KIF16B: variants seen among roughly 807,000 people sequenced by gnomAD.
The protein encoded by KIF16B is kinesin family member 16B, also known as kinesin-like protein KIF16B.
Under a neutral mutation model 156.3 loss-of-function variants are expected in KIF16B, and 98 were observed. That is an observed-to-expected ratio of 0.63 (90% confidence interval 0.53 to 0.74). The LOEUF (loss-of-function observed/expected upper bound fraction) is 0.74, where lower values mean the gene tolerates loss of function less well. Among genes scored for constraint, KIF16B ranks in the 30% least tolerant of loss-of-function variants. The pLI is 0.00. For synonymous variants in KIF16B, 564 were observed against 583.7 expected (o/e 0.97, Z 0.49); for missense variants, 1,421 against 1,606.5 (o/e 0.88, Z 1.97).
intron 25 of KIF16B, among the ~76,000 whole-genome samples, chr20:16,302,987 A>G (rs1181275699): frequency 6.6e-6 from 1 of 152,140 alleles, no homozygotes; most frequent in Non-Finnish European, 1.5e-5. Flanking sequence ...CAATCAGTAT[A>G]TATTTTTTCT....
chr20:16,549,626 A>C (rs1255237495), intron 1 of KIF16B, among the ~76,000 whole-genome samples: 1 of 151,974 alleles, frequency 6.6e-6, no homozygotes, highest in African/African-American at 2.4e-5. Flanking sequence ...CCAAAACAGC[A>C]TGGTACTGGT....
intron 23 of KIF16B, among the ~76,000 whole-genome samples, chr20:16,344,021 G>C (rs1290791878): frequency 6.6e-6 from 1 of 152,216 alleles, no homozygotes; most frequent in East Asian, 1.9e-4. Flanking sequence ...TTTAGGCTCT[G>C]TGACTCTAAG....
intron 11 of KIF16B, among the ~76,000 whole-genome samples, chr20:16,495,614 C>A (rs2146943827): frequency 6.6e-6 from 1 of 152,274 alleles, no homozygotes; most frequent in East Asian, 1.9e-4. Context: ...CTATCACCTT[C>A]TTGATGAAAA....
chr20:16,381,775 C>G (rs770422790), intron 17 of KIF16B, 28 bp from the exon 18 acceptor site: 11 of 1,583,336 alleles, frequency 6.9e-6, no homozygotes, highest in Non-Finnish European at 1.7e-6. Context: ...AAATGAGTCA[C>G]TTTTCTAAAG....
In KIF16B at chr20:16,273,023, G is replaced by A. The variant is rs537835698; in HGVS notation, c.*230C>T. On this transcript the variant is annotated 3_prime_UTR_variant, in exon 26 of 26. Transcript: ENST00000354981. ...CTGTGGGAAAAGGCCACGTTCAACC[G>A]CAATGGAACGGTAACGGCTGCCTGT... 109 of 499,118 alleles carry A rather than the reference G, an allele frequency of 2.2e-4. No individual in the cohort carries two copies. The highest frequency in any genetic ancestry group is 1.8e-3 in the African/African-American group (93 of 51,538). The allele number at this position is 499,118 out of a possible 1,614,324, so 30.9% of individuals were successfully genotyped here.
chr20:16,540,483 C>G (rs79578993), intron 1 of KIF16B, among the ~76,000 whole-genome samples: 1 of 152,188 alleles, frequency 6.6e-6, no homozygotes, highest in African/African-American at 2.4e-5. Flanking sequence ...TACATCCTTA[C>G]GTGGCATGAA....
intron 25 of KIF16B, among the ~76,000 whole-genome samples, chr20:16,307,799 G>A (rs971352244): frequency 6.6e-6 from 1 of 152,114 alleles, no homozygotes; most frequent in African/African-American, 2.4e-5. Flanking sequence ...GGCAGTTCGA[G>A]AAATAGAATA....
chr20:16,281,177 G>A (rs977780836), intron 25 of KIF16B, among the ~76,000 whole-genome samples: 6 of 152,008 alleles, frequency 3.9e-5, no homozygotes, highest in Non-Finnish European at 8.8e-5. Flanking sequence ...TAAAGTTACT[G>A]AAATTACTAA....
chr20:16,374,229 A>G, intron 20 of KIF16B, 28 bp downstream of exon 20: 1 of 1,509,756 alleles, frequency 6.6e-7, no homozygotes, highest in Non-Finnish European at 8.9e-7. Flanking sequence ...TCAAATGAGA[A>G]GCCTGGAATC....
intron 8 of KIF16B, 25 bp from the exon 9 acceptor site, chr20:16,505,878 G>T: frequency 6.2e-7 from 1 of 1,610,830 alleles, no homozygotes; most frequent in South Asian, 1.1e-5. Flanking sequence ...AAACAAAGGG[G>T]AGAAAGGACA....
At chr20:16,325,684 T>C (rs544243823) in intron 24 of KIF16B, among the ~76,000 whole-genome samples, 75 of 152,052 alleles carry the variant, frequency 4.9e-4, no homozygotes, top group Admixed American at 9.2e-4. Flanking sequence ...TGCTCATAAA[T>C]GGGTAGAATC....
chr20:16,518,730 T>C (rs188575571), intron 3 of KIF16B, among the ~76,000 whole-genome samples: 292 of 152,304 alleles, frequency 1.9e-3, no homozygotes, highest in Admixed American at 4.1e-3. Context: ...AGAAAAAATA[T>C]TAACGGTCAT....
chr20:16,524,834 T>C (rs993338106), intron 3 of KIF16B, among the ~76,000 whole-genome samples: 1 of 152,196 alleles, frequency 6.6e-6, no homozygotes, highest in African/African-American at 2.4e-5. Flanking sequence ...AACCATGGAA[T>C]ACTATGCAGC....
chr20:16,453,033 A>T (rs2067125088), intron 12 of KIF16B, among the ~76,000 whole-genome samples: 1 of 151,884 alleles, frequency 6.6e-6, no homozygotes, highest in African/African-American at 2.4e-5. Flanking sequence ...CATGGGATTA[A>T]CTCTAAATAG....
chr20:16,297,311 A>G (rs182294416), intron 25 of KIF16B, among the ~76,000 whole-genome samples: 30 of 152,356 alleles, frequency 2.0e-4, no homozygotes, highest in African/African-American at 7.2e-4. Context: ...GAAGTGGTAA[A>G]AAAAGCACTA....
rs1486723739 is a variant in KIF16B, at chr20:16,273,172, T to A, written c.*81A>T. 2 of 1,252,626 alleles carry A rather than the reference T, an allele frequency of 1.6e-6. No homozygotes were observed. The highest frequency in any genetic ancestry group is 2.3e-6 in the Non-Finnish European group (2 of 865,278). The allele number at this position is 1,252,626 out of a possible 1,614,324, so 77.6% of individuals were successfully genotyped here. A position where few individuals can be genotyped will look rare whatever the true frequency, so the allele number is the denominator to read the frequency against. ...AGCAGGAGGAGGCAGACCCGGATCCTCGCATGGGGGAGCTGCCCTGCATCG... is the reference window on the plus strand; with the variant it reads ...AGCAGGAGGAGGCAGACCCGGATCCACGCATGGGGGAGCTGCCCTGCATCG... On this transcript the variant is annotated 3_prime_UTR_variant, in exon 26 of 26. Transcript: ENST00000354981.
At chr20:16,427,462 A>T (rs6043937) in intron 14 of KIF16B, among the ~76,000 whole-genome samples, 1 of 151,774 alleles carries the variant, frequency 6.6e-6, no homozygotes, top group Admixed American at 6.6e-5. Context: ...TCTTCAAGGG[A>T]TCTGGACATT....
Position 16,427,158 on chromosome 20 carries a change from A to C in KIF16B, c.1558T>G (p.Ser520Ala). 6.2e-7 allele frequency: 1 copy of C among 1,613,012 alleles called. No individual in the cohort carries two copies. Among genetic ancestry groups the C allele is most frequent in the Non-Finnish European group, 8.5e-7 (1 of 1,179,340 alleles). The change falls in exon 15 of 26, where the codon TCC becomes GCC. Residue 520 changes from serine (S) to alanine (A), a missense_variant. Transcript: ENST00000354981. The stretch of plus-strand genomic sequence containing the variant: ...TGAACACCATTCACAGAGCACTGGG[A>C]CCCACTCAGGGGTATCAGAGTCACT... ...GTVTLIPLSG[S>A]QCSVNGVQIV...
chr20:16,533,937 G>C (rs1322619082), intron 1 of KIF16B, among the ~76,000 whole-genome samples: 3 of 151,802 alleles, frequency 2.0e-5, no homozygotes, highest in Non-Finnish European at 4.4e-5. Flanking sequence ...CATACAAACT[G>C]AAACAGTTTA....
Sources: gnomAD v4.1 joint callset for allele counts (sites outside exome capture counted in the v4.1 genomes callset) on GRCh38, gnomAD v4.1.1 for gene constraint, MANE v1.5 for transcripts, NCBI Gene and HGNC (gene_info 2026-07-23, HGNC 2026-07-21) for gene names.